Variants in ZDHHC4 observed in about 807,000 individuals in gnomAD.
The protein encoded by ZDHHC4 is zDHHC palmitoyltransferase 4, also known as palmitoyltransferase ZDHHC4.
Under a neutral mutation model 36.7 loss-of-function variants are expected in ZDHHC4, and 42 were observed. The ratio of observed to expected loss-of-function variants is 1.14; its 90% confidence interval spans 0.89 to 1.48. The LOEUF is 1.48. Among genes scored for constraint, ZDHHC4 ranks in the 40% most tolerant of loss-of-function variants. ZDHHC4 has a pLI of 0.00. For synonymous variants in ZDHHC4, 189 were observed against 166.6 expected (o/e 1.13, Z -1.03); for missense variants, 457 against 421.5 (o/e 1.08, Z -0.74).
chr7:6,581,742 A>G (rs1294016607), intron 4 of ZDHHC4, 62 bp downstream of exon 4: 1 of 1,356,294 alleles, frequency 7.4e-7, no homozygotes, highest in Admixed American at 2.0e-5. Context: ...AATTGTTGAG[A>G]TCCTCTAGCT....
chr7:6,581,565 G>A (rs1015678418), intron 3 of ZDHHC4, 42 bp from the exon 4 acceptor site: 1 of 1,483,784 alleles, frequency 6.7e-7, no homozygotes, highest in East Asian at 2.3e-5. Flanking sequence ...AGTGGAGGAA[G>A]TGAGAAATGA....
chr7:6,579,294 G>C (rs1299073874), intron 2 of ZDHHC4, among the ~76,000 whole-genome samples: 1 of 151,676 alleles, frequency 6.6e-6, no homozygotes, highest in East Asian at 1.9e-4. Flanking sequence ...TCCGCTTCCT[G>C]GGTTCAAGAG....
chr7:6,578,198 G>GCT (rs1182998532), intron 1 of ZDHHC4, among the ~76,000 whole-genome samples: 1 of 152,142 alleles, frequency 6.6e-6, no homozygotes, highest in Non-Finnish European at 1.5e-5. Flanking sequence ...CACGATCACA[G>GCT]CTCACTGCAG....
At chr7:6,583,703 T>C (rs1781031165) in intron 6 of ZDHHC4, 1 of 335,016 alleles carries the variant, frequency 3.0e-6, no homozygotes, top group Admixed American at 5.0e-5. Context: ...TTTCTGCGGA[T>C]GTTGTGTTTG....
At chr7:6,584,828 A>G (rs1781118476) in intron 6 of ZDHHC4, 188 bp from the exon 7 acceptor site, 2 of 740,786 alleles carry the variant, frequency 2.7e-6, no homozygotes, top group South Asian at 1.9e-5. Context: ...CAAGTGCTCA[A>G]TACCCACATT....
Position 6,585,118 on chromosome 7 carries a change from C to T in ZDHHC4, c.599C>T (p.Thr200Ile). The change falls in exon 7 of 8, where the codon ACC becomes ATC. Residue 200 changes from threonine (T) to isoleucine (I), a missense_variant. Thr to Ile is a moderately conservative substitution (Grantham distance 89). Coordinates refer to ENST00000335965, the MANE Select transcript of ZDHHC4 (RefSeq NM_001134389.2). ...AGGTACTTCCTCATCTACGTCTTGACCTTGACGGCCTCGGCTGCCACCGTC... is the reference window on the plus strand; with the variant it reads ...AGGTACTTCCTCATCTACGTCTTGATCTTGACGGCCTCGGCTGCCACCGTC... ...NIRYFLIYVL[T>I]LTASAATVAI... is the part of the protein sequence containing the mutation. The T allele has an allele frequency of 6.2e-7, 1 of 1,614,098 alleles. No individual in the cohort carries two copies. Among genetic ancestry groups the T allele is most frequent in the Non-Finnish European group, 8.5e-7 (1 of 1,180,026 alleles).
In ZDHHC4 at chr7:6,588,615, AG is replaced by A. The variant is rs1248276735; in HGVS notation, c.742-1del. 10 of 1,613,724 alleles carry A rather than the reference AG, an allele frequency of 6.2e-6. No individual in the cohort carries two copies. The highest frequency in any genetic ancestry group is 8.5e-6 in the Non-Finnish European group (10 of 1,179,926). ...AAAGCACTACCTTTTCTCTGCTCCTAGTACCTGTTCCTGACTTTTCCACGGA... is the reference window on the plus strand; with the variant it reads ...AAAGCACTACCTTTTCTCTGCTCCTATACCTGTTCCTGACTTTTCCACGGA... On this transcript the variant is annotated splice_acceptor_variant, in intron 7 of 7. Coordinates refer to ENST00000335965, the MANE Select transcript of ZDHHC4 (RefSeq NM_001134389.2). LOFTEE classifies it high-confidence loss of function.
intron 7 of ZDHHC4, 22 bp from the exon 8 acceptor site, chr7:6,588,595 A>T (rs1319133489): frequency 6.2e-7 from 1 of 1,611,300 alleles, no homozygotes; most frequent in South Asian, 1.1e-5. Flanking sequence ...TGCCTAAAGC[A>T]CTACCTTTTC....
chr7:6,584,659 G>A (rs1270499650), intron 6 of ZDHHC4, among the ~76,000 whole-genome samples: 3 of 151,920 alleles, frequency 2.0e-5, no homozygotes, highest in African/African-American at 7.3e-5. Flanking sequence ...TTTGAGATAG[G>A]GTCTCACTCC....
intron 7 of ZDHHC4, among the ~76,000 whole-genome samples, chr7:6,586,772 G>A (rs1466691508): frequency 6.6e-6 from 1 of 152,096 alleles, no homozygotes; most frequent in Non-Finnish European, 1.5e-5. Context: ...CCCCGTGCCC[G>A]GCCTTACTTC....
intron 7 of ZDHHC4, among the ~76,000 whole-genome samples, chr7:6,586,114 T>C (rs1342514211): frequency 1.7e-4 from 26 of 150,590 alleles, no homozygotes; most frequent in Admixed American, 1.7e-3. Context: ...GATCGTGCCA[T>C]TGCACTCCAG....
At chr7:6,581,317 C>T (rs562046476) in intron 3 of ZDHHC4, among the ~76,000 whole-genome samples, 6 of 152,322 alleles carry the variant, frequency 3.9e-5, no homozygotes, top group East Asian at 1.9e-4. Context: ...GGGGAAGGAG[C>T]GGCCTTCACA....
Position 6,589,015 on chromosome 7 carries a change from A to T in ZDHHC4, c.*105A>T. 1 of 1,437,536 alleles carries T rather than the reference A, an allele frequency of 7.0e-7. No individual in the cohort carries two copies. The highest frequency in any genetic ancestry group is 9.4e-7 in the Non-Finnish European group (1 of 1,060,030). The allele number at this position is 1,437,536 out of a possible 1,614,324, so 89.0% of individuals were successfully genotyped here. A position where few individuals can be genotyped will look rare whatever the true frequency, so the allele number is the denominator to read the frequency against. On this transcript the variant is annotated 3_prime_UTR_variant, in exon 8 of 8. Coordinates refer to ENST00000335965, the MANE Select transcript of ZDHHC4 (RefSeq NM_001134389.2). Reference sequence around the variant, plus strand: ...GTTTTGATTTCTGCTGTGCTTATAAATCACTTTCGGTGGGCAAGGGAGAGA... The same window carrying T: ...GTTTTGATTTCTGCTGTGCTTATAATTCACTTTCGGTGGGCAAGGGAGAGA...
intron 3 of ZDHHC4, chr7:6,581,086 C>T (rs938861392): frequency 7.9e-6 from 2 of 253,308 alleles, no homozygotes; most frequent in African/African-American, 4.5e-5. Flanking sequence ...GATTAGATGC[C>T]TGTGATTGGG....
intron 2 of ZDHHC4, among the ~76,000 whole-genome samples, chr7:6,579,993 A>G (rs1035522315): frequency 3.9e-5 from 6 of 152,174 alleles, no homozygotes; most frequent in African/African-American, 9.6e-5. Context: ...AAAATTAGCC[A>G]GGCATGGGGT....
chr7:6,584,386 T>C (rs1781078495), intron 6 of ZDHHC4: 1 of 152,300 alleles, frequency 6.6e-6, no homozygotes, highest in Admixed American at 6.5e-5. Flanking sequence ...TTAAAAGTTT[T>C]CCAATATCTG....
At chr7:6,581,171 T>C (rs762201896) in intron 3 of ZDHHC4, 90 of 237,032 alleles carry the variant, frequency 3.8e-4, no homozygotes, top group Non-Finnish European at 5.7e-4. Context: ...CAGCATTGGC[T>C]GGCCCCCCTC....
Position 6,585,145 on chromosome 7 carries a change from C to G in ZDHHC4, c.626C>G (p.Ala209Gly). 1 of 1,614,110 alleles carries G rather than the reference C, an allele frequency of 6.2e-7. No homozygotes were observed. The highest frequency in any genetic ancestry group is 1.1e-5 in the South Asian group (1 of 91,076). ...TTGACGGCCTCGGCTGCCACCGTCG[C>G]CATTGTGAGCACCACTTTTCTGGTC... ...LTLTASAATV[A>G]IVSTTFLVHL... Residue 209 changes from alanine to glycine, a missense_variant, in exon 7 of 8, where the codon GCC becomes GGC. Physicochemically the swap from Ala to Gly is moderately conservative, Grantham distance 60 (BLOSUM62 0). Coordinates refer to ENST00000335965, the MANE Select transcript of ZDHHC4 (RefSeq NM_001134389.2).
chr7:6,588,477 C>G (rs1047512626), intron 7 of ZDHHC4, 140 bp from the exon 8 acceptor site: 17 of 840,678 alleles, frequency 2.0e-5, no homozygotes, highest in Non-Finnish European at 3.1e-5. Context: ...TGTTTATGTT[C>G]AGTTTGTCAC....
Sources: gnomAD v4.1 joint callset for allele counts (sites outside exome capture counted in the v4.1 genomes callset) on GRCh38, gnomAD v4.1.1 for gene constraint, MANE v1.5 for transcripts, NCBI Gene and HGNC (gene_info 2026-07-23, HGNC 2026-07-21) for gene names.